Variants in DOCK5 observed in about 807,000 individuals in gnomAD.
The protein encoded by DOCK5 is dedicator of cytokinesis protein 5.
DOCK5 carries 142 observed loss-of-function variants against 251.8 expected under a neutral mutation model. The ratio of observed to expected loss-of-function variants is 0.56; its 90% CI spans 0.49 to 0.65. DOCK5 has a LOEUF of 0.65. Among genes scored for constraint, DOCK5 ranks in the 30% least tolerant of loss-of-function variants. DOCK5 has a pLI of 0.00. For synonymous variants in DOCK5, 842 were observed against 835.5 expected (o/e 1.01, Z -0.13); for missense variants, 2,111 against 2,312.3 (o/e 0.91, Z 1.79).
chr8:25,394,035 T>G (rs1002763454), intron 44 of DOCK5, among the ~76,000 whole-genome samples: 1 of 152,152 alleles, frequency 6.6e-6, no homozygotes, highest in Non-Finnish European at 1.5e-5. Context: ...AAGACCACCC[T>G]GGGCAACATA....
chr8:25,243,399 C>T (rs1289132361), intron 1 of DOCK5, among the ~76,000 whole-genome samples: 1 of 149,842 alleles, frequency 6.7e-6, no homozygotes, highest in Non-Finnish European at 1.5e-5. Flanking sequence ...GGCGTGATCT[C>T]GGCTCACTGC....
chr8:25,256,866 A>G (rs559817894), intron 2 of DOCK5, among the ~76,000 whole-genome samples: 13 of 148,608 alleles, frequency 8.7e-5, no homozygotes, highest in African/African-American at 2.5e-4. Context: ...GGGTTTTTCT[A>G]TCACTCAAAT....
intron 47 of DOCK5, among the ~76,000 whole-genome samples, chr8:25,402,224 C>A (rs1004527680): frequency 6.6e-6 from 1 of 152,282 alleles, no homozygotes; most frequent in East Asian, 1.9e-4. Flanking sequence ...ACTTCCCAGG[C>A]TCAAGCCATC....
chr8:25,321,573 C>T (rs748033969), intron 16 of DOCK5, among the ~76,000 whole-genome samples: 1 of 152,130 alleles, frequency 6.6e-6, no homozygotes, highest in Non-Finnish European at 1.5e-5. Flanking sequence ...CTTGCATGCA[C>T]AGGTCACAAT....
chr8:25,358,328 A>T lies in DOCK5; in HGVS notation c.2851-635A>T, dbSNP rs570910394. ...GGAAAACCCCTTGTAAAACCATCAG[A>T]TCTCGTGAGAACTCACTCACTATCA... On this transcript the variant is annotated intron_variant, in intron 27 of 51. Coordinates refer to ENST00000276440, the MANE Select transcript of DOCK5 (RefSeq NM_024940.8). Among the ~76,000 whole-genome samples, 4 of 152,238 alleles carry T rather than the reference A, an allele frequency of 2.6e-5. No individual in the cohort carries two copies. The South Asian group carries it at 8.3e-4, about 32-fold the overall frequency.
At position 25,256,554 on chromosome 8, in the gene DOCK5, A is replaced by G. The variant is rs149834655; in HGVS notation, c.128-12291A>G. On this transcript the variant is annotated intron_variant, in intron 2 of 51. Transcript: ENST00000276440. ...CTTGGGAGACTGAGGCAAGAGAATC[A>G]CTTGAACCTGGGAAGGAGAGGTTGC... Among the ~76,000 whole-genome samples, 122 of 150,330 alleles carry G rather than the reference A, an allele frequency of 8.1e-4. 2 individuals are homozygous for G. The East Asian group carries it at 0.02, about 25-fold the overall frequency.
chr8:25,407,227 A>AT (rs1801537929), intron 48 of DOCK5, among the ~76,000 whole-genome samples: 1 of 152,006 alleles, frequency 6.6e-6, no homozygotes, highest in African/African-American at 2.4e-5. Flanking sequence ...AGTAATCTAG[A>AT]TTCTAGATTA....
chr8:25,368,445 G>A, intron 32 of DOCK5, 126 bp from the exon 33 acceptor site: 1 of 1,171,234 alleles, frequency 8.5e-7, no homozygotes, highest in Non-Finnish European at 1.2e-6. Flanking sequence ...ATCAGAATCT[G>A]AGTCACTCAC....
rs532329986 is a variant in DOCK5 at position 25,339,013 on chromosome 8, G to C, written c.2328-1864G>C. Among the ~76,000 whole-genome samples, 333 of 152,258 alleles carry C rather than the reference G, an allele frequency of 2.2e-3. 1 individual carries two copies. The highest frequency in any genetic ancestry group is 7.7e-3 in the African/African-American group (318 of 41,550). On this transcript the variant is annotated intron_variant, in intron 22 of 51. Transcript: ENST00000276440. ...AGAGTTGCTTCATTACACACTGTCT[G>C]TGATGGCCTGCGTGTGGTTACTTTT...
chr8:25,285,411 G>A (rs1033551179), intron 5 of DOCK5, among the ~76,000 whole-genome samples: 6 of 152,194 alleles, frequency 3.9e-5, no homozygotes, highest in Non-Finnish European at 7.3e-5. Context: ...CTCCCAAAGT[G>A]CTGGGATACA....
chr8:25,319,943 C>T (rs1461729313), intron 15 of DOCK5, among the ~76,000 whole-genome samples: 2 of 152,176 alleles, frequency 1.3e-5, no homozygotes, highest in African/African-American at 4.8e-5. Context: ...CAAAACCAAA[C>T]AGAAATTTTC....
At chr8:25,243,326 T>C (rs1402126028) in intron 1 of DOCK5, among the ~76,000 whole-genome samples, 1 of 151,722 alleles carries the variant, frequency 6.6e-6, no homozygotes, top group Non-Finnish European at 1.5e-5. Context: ...CACTGTGACA[T>C]GCATTCTTTT....
intron 21 of DOCK5, among the ~76,000 whole-genome samples, chr8:25,334,841 T>C (rs903976741): frequency 6.6e-6 from 1 of 152,210 alleles, no homozygotes; most frequent in Admixed American, 6.5e-5. Flanking sequence ...AGACCAAGTT[T>C]GATAGAAGAA....
At chr8:25,193,108 A>G (rs1801627601) in intron 1 of DOCK5, among the ~76,000 whole-genome samples, 1 of 152,110 alleles carries the variant, frequency 6.6e-6, no homozygotes, top group Admixed American at 6.5e-5. Context: ...CATGGTAATT[A>G]TGTTCTATTT....
Position 25,389,244 on chromosome 8 carries a change from G to C in DOCK5, c.4273+12G>C. 1.9e-6 allele frequency: 3 copies of C among 1,611,042 alleles called. No homozygotes were observed. Among genetic ancestry groups the C allele is most frequent in the Non-Finnish European group, 2.5e-6 (3 of 1,177,744 alleles). The stretch of plus-strand genomic sequence containing the variant: ...GTCCCCCAAGCAGTGTATCCTTTCC[G>C]GGGGGAGTATGGCCCCGAGGCTCTT... On this transcript the variant is annotated intron_variant, in intron 41 of 51. Transcript: ENST00000276440.
intron 1 of DOCK5, among the ~76,000 whole-genome samples, chr8:25,191,694 G>A (rs1470423615): frequency 2.0e-5 from 3 of 152,000 alleles, no homozygotes; most frequent in Admixed American, 6.6e-5. Flanking sequence ...TATAGGAAAT[G>A]AGGTTTGCAG....
intron 4 of DOCK5, among the ~76,000 whole-genome samples, chr8:25,275,749 T>C (rs1804030730): frequency 6.6e-6 from 1 of 152,018 alleles, no homozygotes; most frequent in South Asian, 2.1e-4. Flanking sequence ...GGCAGGAGAA[T>C]CACTCGAGCC....
chr8:25,292,521 C>T (rs148798720), intron 6 of DOCK5, among the ~76,000 whole-genome samples: 70 of 152,182 alleles, frequency 4.6e-4, no homozygotes, highest in African/African-American at 1.5e-3. Context: ...GGATGAGGCT[C>T]GAGGATCACT....
At chr8:25,343,513 G>T (rs2117235724) in intron 25 of DOCK5, among the ~76,000 whole-genome samples, 1 of 152,270 alleles carries the variant, frequency 6.6e-6, no homozygotes, top group Non-Finnish European at 1.5e-5. Flanking sequence ...ATCTGCAAGT[G>T]GTTCATTAAT....
Sources: allele counts gnomAD v4.1 joint callset (sites outside exome capture counted in the v4.1 genomes callset), GRCh38; gene constraint gnomAD v4.1.1; transcripts MANE v1.5; gene names NCBI Gene and HGNC (gene_info 2026-07-23, HGNC 2026-07-21).